Variants in DYSF observed in about 807,000 individuals in gnomAD.
The protein encoded by DYSF is dysferlin.
A neutral mutation model predicts 274.9 loss-of-function variants in DYSF; 212 were observed. The observed-to-expected ratio is 0.77, with a 90% CI of 0.69 to 0.86. The LOEUF is 0.86. Among genes scored for constraint, DYSF ranks in the 40% least tolerant of loss-of-function variants. DYSF has a pLI of 0.00. For missense variants in DYSF, 2,666 were observed against 2,783.2 expected (o/e 0.96, Z 0.95); for synonymous variants, 1,091 against 1,078.7 (o/e 1.01, Z -0.22).
chr2:71,520,034 T>C, intron 10 of DYSF, 144 bp from the exon 11 acceptor site: 3 of 892,986 alleles, frequency 3.4e-6, no homozygotes, highest in Non-Finnish European at 5.6e-6. Flanking sequence ...TCATTTTCTT[T>C]TCATGTAGTA....
At chr2:71,550,886 C>T (rs559468539) in intron 17 of DYSF, among the ~76,000 whole-genome samples, 155 bp from the exon 18 acceptor site, 11 of 152,272 alleles carry the variant, frequency 7.2e-5, no homozygotes, top group African/African-American at 9.6e-5. Flanking sequence ...AGCTATCGCT[C>T]GTGGCGTTCT....
intron 36 of DYSF, among the ~76,000 whole-genome samples, chr2:71,605,760 T>C (rs895332329): frequency 5.9e-5 from 9 of 152,048 alleles, no homozygotes; most frequent in African/African-American, 1.2e-4. Flanking sequence ...CCAAGTCCAC[T>C]GGAAGGAAAA....
At chr2:71,534,864 A>G (rs2089146381) in intron 14 of DYSF, among the ~76,000 whole-genome samples, 157 bp from the exon 15 acceptor site, 1 of 152,128 alleles carries the variant, frequency 6.6e-6, no homozygotes, top group African/African-American at 2.4e-5. Flanking sequence ...TTCCCTGTGT[A>G]TGAACCCCCT....
intron 41 of DYSF, among the ~76,000 whole-genome samples, chr2:71,623,688 AT>A (rs1166863129): frequency 6.6e-6 from 1 of 152,142 alleles, no homozygotes; most frequent in Non-Finnish European, 1.5e-5. Context: ...CAAAAAAAAA[AT>A]CTGAGTGTAG....
chr2:71,605,678 C>T (rs754169848), intron 36 of DYSF, among the ~76,000 whole-genome samples: 66 of 152,070 alleles, frequency 4.3e-4, no homozygotes, highest in Non-Finnish European at 9.1e-4. Context: ...AGATACCACT[C>T]CATCCACCCA....
chr2:71,548,441 C>T (rs938325427), intron 17 of DYSF, among the ~76,000 whole-genome samples: 12 of 152,266 alleles, frequency 7.9e-5, no homozygotes, highest in Admixed American at 2.0e-4. Flanking sequence ...CGGGTGTGCA[C>T]GTGACCTCAG....
intron 4 of DYSF, among the ~76,000 whole-genome samples, chr2:71,511,073 G>C (rs2086038750): frequency 6.6e-6 from 1 of 152,234 alleles, no homozygotes; most frequent in Admixed American, 6.5e-5. Flanking sequence ...GAGCAGCCAG[G>C]CTGCAGATCC....
chr2:71,590,349 T>C, intron 32 of DYSF, 61 bp downstream of exon 32: 1 of 1,592,758 alleles, frequency 6.3e-7, no homozygotes, highest in Non-Finnish European at 8.6e-7. Flanking sequence ...AATGGAGACA[T>C]CTGGCTTTCG....
chr2:71,644,024 G>C lies in DYSF; in HGVS notation c.4587G>C (p.Lys1529Asn). The C allele has an allele frequency of 2.5e-6, 4 of 1,612,618 alleles. No homozygotes were observed. Among genetic ancestry groups the C allele is most frequent in the Non-Finnish European group, 2.5e-6 (3 of 1,179,424 alleles). ...TTGCCTCCATAGGGGAGAGGGAAAA[G>C]TGCGGCTCCTACCTGGAGAAGGATT... ...KFFASIGERE[K>N]CGSYLEKDFD... Residue 1529 changes from lysine to asparagine, a missense_variant, in exon 42 of 56, where the codon AAG (lysine) becomes AAC (asparagine). By Grantham distance (94) the Lys-to-Asn change is moderately conservative. Around this residue, in one of 3 missense-constraint regions of DYSF, gnomAD observed 1,460 missense variants for 1,502.1 expected, o/e 0.97. Transcript: ENST00000410020.
At chr2:71,584,586 G>C (rs987671048) in intron 30 of DYSF, among the ~76,000 whole-genome samples, 13 of 152,232 alleles carry the variant, frequency 8.5e-5, no homozygotes, top group African/African-American at 3.1e-4. Context: ...TTAGGCCTGG[G>C]TGCTGCACAT....
chr2:71,627,421 TG>T, intron 41 of DYSF, among the ~76,000 whole-genome samples: 1 of 152,130 alleles, frequency 6.6e-6, no homozygotes, highest in Non-Finnish European at 1.5e-5. Flanking sequence ...CTAGGTTAAC[TG>T]GAATGGTCTC....
chr2:71,578,870 A>C (rs993888000), intron 30 of DYSF, among the ~76,000 whole-genome samples: 1 of 152,230 alleles, frequency 6.6e-6, no homozygotes, highest in Non-Finnish European at 1.5e-5. Context: ...GCAGGGGCCA[A>C]GCCTGGCTCC....
chr2:71,663,093 G>A (rs2094930634), intron 45 of DYSF, among the ~76,000 whole-genome samples: 2 of 145,614 alleles, frequency 1.4e-5, no homozygotes, highest in South Asian at 4.3e-4. Context: ...CTCCCTTCCT[G>A]GTCCAGTGTT....
intron 43 of DYSF, among the ~76,000 whole-genome samples, chr2:71,657,658 C>A (rs1458676555): frequency 6.6e-6 from 1 of 152,230 alleles, no homozygotes; most frequent in Non-Finnish European, 1.5e-5. Flanking sequence ...CACCCACAGG[C>A]TCAATACCAC....
At chr2:71,538,564 GATA>G (rs1472614830) in intron 16 of DYSF, among the ~76,000 whole-genome samples, 2 of 152,224 alleles carry the variant, frequency 1.3e-5, no homozygotes, top group African/African-American at 4.8e-5. Flanking sequence ...GTGCAACAGA[GATA>G]ATAATAAAAG....
intron 29 of DYSF, among the ~76,000 whole-genome samples, chr2:71,572,969 C>T (rs780208116): frequency 6.6e-6 from 1 of 152,214 alleles, no homozygotes; most frequent in Non-Finnish European, 1.5e-5. Flanking sequence ...TGGATGAGCA[C>T]ACGCAAGCAC....
chr2:71,511,965 C>A, intron 5 of DYSF, 44 bp downstream of exon 5: 1 of 1,253,830 alleles, frequency 8.0e-7, no homozygotes, highest in Admixed American at 2.0e-5. Context: ...GCAAGAAGGC[C>A]GGCAGTGGCA....
intron 42 of DYSF, among the ~76,000 whole-genome samples, chr2:71,654,863 G>A (rs1026329823): frequency 2.0e-5 from 3 of 152,178 alleles, no homozygotes; most frequent in Non-Finnish European, 4.4e-5. Flanking sequence ...AGGATTGCTT[G>A]AGTCCAGGAG....
chr2:71,617,663 G>A (rs1378332923), intron 40 of DYSF, among the ~76,000 whole-genome samples: 2 of 146,142 alleles, frequency 1.4e-5, no homozygotes, highest in African/African-American at 2.5e-5. Context: ...TGTGGCAGAG[G>A]TGGGGTGTGT....
Sources: allele counts gnomAD v4.1 joint callset (sites outside exome capture counted in the v4.1 genomes callset), GRCh38; gene constraint gnomAD v4.1.1; regional missense constraint gnomAD v4.1.1; transcripts MANE v1.5; gene names NCBI Gene and HGNC (gene_info 2026-07-23, HGNC 2026-07-21).